The following ACTR3C variants were observed in gnomAD, a reference collection of about 807,000 sequenced individuals.
ACTR3C encodes the protein actin-related protein 3C.
ACTR3C carries 18 observed loss-of-function variants against 26.3 expected under a neutral mutation model. The ratio of observed to expected loss-of-function variants is 0.68; its 90% CI spans 0.47 to 1.01. The LOEUF (loss-of-function observed/expected upper bound fraction) is 1.01. Ranked by LOEUF, ACTR3C falls within the 50% of genes least tolerant of loss-of-function variation. The pLI is 0.00. For synonymous variants in ACTR3C, 55 were observed against 94.5 expected, an observed-to-expected ratio of 0.58 and a Z score of 2.42; for missense variants, 184 against 250.7, an observed-to-expected ratio of 0.73 and a Z score of 1.80.
the ACTR3C span, chr7:150,002,174 A>G: frequency 6.6e-6 from 1 of 152,264 alleles, no homozygotes; most frequent in Non-Finnish European, 1.5e-5. Flanking sequence ...GAGACTGGAA[A>G]TCTGCCACTC....
At chr7:150,076,177 A>G in the ACTR3C span, among the ~76,000 whole-genome samples, 2 of 151,828 alleles carry the variant, frequency 1.3e-5, no homozygotes, top group South Asian at 4.2e-4. Flanking sequence ...GTTTTCCTAC[A>G]TTTGAAAAGA....
chr7:150,321,635 G>C (rs1322337727), intron 1 of ACTR3C, among the ~76,000 whole-genome samples: 1 of 152,166 alleles, frequency 6.6e-6, no homozygotes, highest in Non-Finnish European at 1.5e-5. Context: ...AGCTACTTGG[G>C]AGACTGAGGC....
At chr7:149,900,020 C>T in the ACTR3C span, among the ~76,000 whole-genome samples, 1 of 133,676 alleles carries the variant, frequency 7.5e-6, no homozygotes, top group South Asian at 2.2e-4. Flanking sequence ...ATCCAGAATT[C>T]TATGTTCAGC....
the ACTR3C span, among the ~76,000 whole-genome samples, chr7:150,198,739 T>C: frequency 7.2e-6 from 1 of 138,328 alleles, no homozygotes; most frequent in African/African-American, 2.9e-5. Context: ...AGCCACCCCG[T>C]CCGGGAGGGA....
chr7:149,925,335 G>C, the ACTR3C span, among the ~76,000 whole-genome samples: 1 of 152,064 alleles, frequency 6.6e-6, no homozygotes, highest in African/African-American at 2.4e-5. Context: ...ATGCCATCAG[G>C]CTTTCTCTCC....
the ACTR3C span, among the ~76,000 whole-genome samples, chr7:150,148,153 T>TAAAAA: frequency 2.6e-5 from 3 of 115,248 alleles, no homozygotes; most frequent in Non-Finnish European, 5.4e-5. Flanking sequence ...GCTTAAAAGT[T>TAAAAA]AAAAAAAAAA....
the ACTR3C span, among the ~76,000 whole-genome samples, chr7:149,944,220 A>G: frequency 5.3e-5 from 8 of 152,022 alleles, no homozygotes; most frequent in Non-Finnish European, 8.8e-5. Context: ...TACCTGAGCT[A>G]TGTGATCACA....
chr7:150,188,330 T>A, the ACTR3C span, among the ~76,000 whole-genome samples: 147 of 151,844 alleles, frequency 9.7e-4, no homozygotes, highest in African/African-American at 3.5e-3. Flanking sequence ...TTCCACTGCA[T>A]GAAAGTAACA....
intron 7 of ACTR3C, chr7:150,248,359 C>T (rs1175117065): frequency 6.6e-6 from 1 of 151,112 alleles, no homozygotes; most frequent in Non-Finnish European, 1.5e-5. Context: ...GAGAAGCTGG[C>T]TATTAAAAAA....
the ACTR3C span, among the ~76,000 whole-genome samples, chr7:150,189,532 T>G: frequency 7.1e-6 from 1 of 140,310 alleles, no homozygotes; most frequent in Admixed American, 7.4e-5. Context: ...AGAAATTCCT[T>G]TGTGGTATCC....
the ACTR3C span, among the ~76,000 whole-genome samples, chr7:150,148,857 T>C: frequency 6.6e-6 from 1 of 151,946 alleles, no homozygotes; most frequent in Non-Finnish European, 1.5e-5. Context: ...GCAAACATTC[T>C]TTTATATATG....
chr7:150,197,876 CT>C, the ACTR3C span, among the ~76,000 whole-genome samples: 4 of 148,096 alleles, frequency 2.7e-5, 1 homozygote, highest in African/African-American at 9.9e-5. Flanking sequence ...CCCCTCTCCC[CT>C]CTCCCCACGG....
the ACTR3C span, among the ~76,000 whole-genome samples, chr7:150,134,810 T>C: frequency 6.6e-6 from 1 of 152,388 alleles, no homozygotes; most frequent in East Asian, 1.9e-4. Flanking sequence ...GTCTGAAAAC[T>C]TATCAGTCTT....
At chr7:150,271,547 G>A (rs548917518) in intron 6 of ACTR3C, among the ~76,000 whole-genome samples, 3 of 149,740 alleles carry the variant, frequency 2.0e-5, no homozygotes, top group Non-Finnish European at 4.4e-5. Flanking sequence ...AGTATTCCAT[G>A]GTGTATATGT....
At chr7:150,178,100 T>C in the ACTR3C span, among the ~76,000 whole-genome samples, 1 of 150,360 alleles carries the variant, frequency 6.7e-6, no homozygotes, top group Non-Finnish European at 1.5e-5. Context: ...TATCACCACT[T>C]GAAATTCTGG....
chr7:150,266,183 A>G (rs1198103817), intron 6 of ACTR3C, among the ~76,000 whole-genome samples: 1 of 147,244 alleles, frequency 6.8e-6, no homozygotes, highest in Non-Finnish European at 1.5e-5. Context: ...TTATTATAAT[A>G]CTTGAGAAGT....
the ACTR3C span, among the ~76,000 whole-genome samples, chr7:150,211,742 C>T: frequency 1.1e-4 from 16 of 151,752 alleles, no homozygotes; most frequent in East Asian, 2.7e-3. Flanking sequence ...ATGCTAAGAT[C>T]GAGTCTACTG....
the ACTR3C span, among the ~76,000 whole-genome samples, chr7:150,023,315 A>C: frequency 6.5e-5 from 1 of 15,398 alleles, no homozygotes; most frequent in Non-Finnish European, 2.1e-4. Context: ...AGATAGATAG[A>C]TACATACATA....
the ACTR3C span, among the ~76,000 whole-genome samples, chr7:150,065,809 CCAAA>C: frequency 2.0e-5 from 3 of 150,222 alleles, no homozygotes; most frequent in African/African-American, 7.4e-5. Flanking sequence ...CTAAAACTGG[CCAAA>C]CAAATTAATG....
Sources: gnomAD v4.1 joint callset for allele counts (sites outside exome capture counted in the v4.1 genomes callset) on GRCh38, gnomAD v4.1.1 for gene constraint, MANE v1.5 for transcripts, NCBI Gene and HGNC (gene_info 2026-07-23, HGNC 2026-07-21) for gene names.